PCDHGB6: variants seen among roughly 807,000 people sequenced by gnomAD.
The protein encoded by PCDHGB6 is protocadherin gamma subfamily B, 6.
PCDHGB6 carries 51 observed loss-of-function variants against 59.1 expected under a neutral mutation model. That is an observed-to-expected ratio of 0.86 (90% CI 0.69 to 1.09). The LOEUF (loss-of-function observed/expected upper bound fraction) is 1.09. PCDHGB6 is among the 50% of genes least tolerant of loss of function. PCDHGB6 has a pLI of 0.00. For synonymous variants in PCDHGB6, 466 were observed against 495.1 expected (o/e 0.94, Z 0.78); for missense variants, 1,148 against 1,205.1 (o/e 0.95, Z 0.70).
rs752402965 is a variant in PCDHGB6, at chr5:141,491,400, C to G, written c.2419-3407C>G. The G allele has an allele frequency of 2.7e-5, 44 of 1,613,990 alleles. No individual in the cohort carries two copies. The highest frequency in any genetic ancestry group is 3.5e-5 in the Non-Finnish European group (41 of 1,179,996). On this transcript the variant is annotated intron_variant, in intron 1 of 3. Coordinates refer to ENST00000520790, the MANE Select transcript of PCDHGB6 (RefSeq NM_018926.3). The surrounding 1 kb of genome is among the most constrained non-coding windows in gnomAD (Gnocchi z 6.9). ...TGTCAGCGAAGTGCCTTCAGGGAAA[C>G]GCAGACGGGGACGGGGGTGGAGGGC... is the stretch of plus-strand genomic sequence containing the variant.
At chr5:141,417,538 A>G (rs2154547037) in intron 1 of PCDHGB6, 2 of 297,748 alleles carry the variant, frequency 6.7e-6, no homozygotes, top group East Asian at 6.0e-5. Flanking sequence ...AGTTTAAAAA[A>G]AATTCCTTGA....
At position 141,419,169 on chromosome 5, in the gene PCDHGB6, C is replaced by T. The variant is rs746258255; in HGVS notation, c.2418+8549C>T. 73 of 1,613,970 alleles carry T rather than the reference C, an allele frequency of 4.5e-5. No homozygotes were observed. The highest frequency in any genetic ancestry group is 3.3e-4 in the Middle Eastern group (2 of 6,062). The stretch of plus-strand genomic sequence containing the variant: ...AAGCCTCCGTTATCCTCCAGCAAAA[C>T]CATAACCCTGCACATTACTGACGTC... On this transcript the variant is annotated intron_variant, in intron 1 of 3. Coordinates refer to ENST00000520790, the MANE Select transcript of PCDHGB6 (RefSeq NM_018926.3).
chr5:141,423,195 G>C, intron 1 of PCDHGB6: 14 of 1,613,544 alleles, frequency 8.7e-6, no homozygotes, highest in Non-Finnish European at 1.2e-5. Flanking sequence ...CCCCTCTCTC[G>C]GCCACCGTCA....
intron 1 of PCDHGB6, among the ~76,000 whole-genome samples, chr5:141,446,698 G>A (rs750413432): frequency 2.0e-5 from 3 of 152,186 alleles, no homozygotes; most frequent in Admixed American, 6.5e-5. Flanking sequence ...GGCTGGTCTC[G>A]AACTCTGATC....
At position 141,430,831 on chromosome 5, in the gene PCDHGB6, G is replaced by A; in HGVS notation, c.2418+20211G>A. ...TGGGAATCCTCCTGGGGACTCTGTGGGAGACCGGATGCACCCAGATACGCT... is the reference window on the plus strand; with the variant it reads ...TGGGAATCCTCCTGGGGACTCTGTGAGAGACCGGATGCACCCAGATACGCT... On this transcript the variant is annotated intron_variant, in intron 1 of 3. Coordinates refer to ENST00000520790, the MANE Select transcript of PCDHGB6 (RefSeq NM_018926.3). 3 of 1,555,334 alleles carry A rather than the reference G, an allele frequency of 1.9e-6. No individual in the cohort carries two copies. In the South Asian group the frequency reaches 3.8e-5, roughly 19 times the overall value.
rs895234762 is a variant in PCDHGB6 at position 141,476,911 on chromosome 5, A to G, written c.2419-17896A>G. 4 of 1,613,972 alleles carry G rather than the reference A, an allele frequency of 2.5e-6. No individual in the cohort carries two copies. The African/African-American group carries it at 4.0e-5, about 16-fold the overall frequency. On this transcript the variant is annotated intron_variant, in intron 1 of 3. Transcript: ENST00000520790. This position sits in a 1 kb window ranked among gnomAD's most constrained non-coding sequence, Gnocchi z 7.6. ...CACCCTCCGGCACGCGCGTGGTACA[A>G]GTCCTTGCAACGGATCTGGATGAAG...
chr5:141,476,357 C>T lies in PCDHGB6; in HGVS notation c.2419-18450C>T. On this transcript the variant is annotated intron_variant, in intron 1 of 3. Transcript: ENST00000520790. The surrounding 1 kb of genome is among the most constrained non-coding windows in gnomAD (Gnocchi z 7.6). ...TAGCCGAAGATTCTTTGAGGTGAAC[C>T]GGGAGACCGGAGAGATGTTTGTGAA... The T allele has an allele frequency of 6.2e-7, 1 of 1,614,052 alleles. No individual in the cohort carries two copies. The highest frequency in any genetic ancestry group is 2.2e-5 in the East Asian group (1 of 44,854).
At chr5:141,448,948 A>AAAAC (rs1237948751) in intron 1 of PCDHGB6, among the ~76,000 whole-genome samples, 2 of 152,170 alleles carry the variant, frequency 1.3e-5, no homozygotes, top group African/African-American at 2.4e-5. Flanking sequence ...GCAACTCAAA[A>AAAAC]AAACAAACAA....
chr5:141,430,994 C>T, intron 1 of PCDHGB6: 1 of 1,613,950 alleles, frequency 6.2e-7, no homozygotes, highest in East Asian at 2.2e-5. Context: ...CGCCCTGAAT[C>T]CGCGCAGCGG....
chr5:141,449,073 T>C (rs889880816), intron 1 of PCDHGB6, among the ~76,000 whole-genome samples: 1 of 152,246 alleles, frequency 6.6e-6, no homozygotes, highest in African/African-American at 2.4e-5. Flanking sequence ...TGAATAGCCC[T>C]GTACCTACAT....
intron 1 of PCDHGB6, among the ~76,000 whole-genome samples, chr5:141,469,492 T>C (rs1233507221): frequency 6.6e-6 from 1 of 152,038 alleles, no homozygotes; most frequent in Non-Finnish European, 1.5e-5. Flanking sequence ...GGAGAATCGC[T>C]TGAACCCGGG....
In PCDHGB6 at chr5:141,408,707, G is replaced by A. The variant is rs899200128; in HGVS notation, c.505G>A (p.Asp169Asn). The change falls in exon 1 of 4, where the codon GAT (aspartate) becomes AAT (asparagine). Residue 169 changes from aspartate (D) to asparagine (N), a missense_variant. Asp to Asn is a conservative substitution (Grantham distance 23, BLOSUM62 1). This residue lies in a region of PCDHGB6 where 307 missense variants were observed against 323.8 expected (regional missense o/e 0.95). Coordinates refer to ENST00000520790, the MANE Select transcript of PCDHGB6 (RefSeq NM_018926.3). ...TGATATAAACATAAACTCAATTAAAGATTATAAGATAAACTCTAATCCTTA... is the reference window on the plus strand; with the variant it reads ...TGATATAAACATAAACTCAATTAAAAATTATAAGATAAACTCTAATCCTTA... ...DPDININSIK[D>N]YKINSNPYFS... 1.9e-6 allele frequency: 3 copies of A among 1,612,764 alleles called. No homozygotes were observed. In the African/African-American group the frequency reaches 4.0e-5, roughly 22 times the overall value.
chr5:141,421,429 G>A, intron 1 of PCDHGB6: 1 of 1,614,090 alleles, frequency 6.2e-7, no homozygotes, highest in Non-Finnish European at 8.5e-7. Context: ...AGTCCGCATC[G>A]TCTCCAGAGG....
chr5:141,448,756 C>T (rs938202200), intron 1 of PCDHGB6, among the ~76,000 whole-genome samples: 1 of 151,742 alleles, frequency 6.6e-6, no homozygotes, highest in African/African-American at 2.4e-5. Context: ...CTGGCTAACA[C>T]GGTGAAACCC....
intron 1 of PCDHGB6, among the ~76,000 whole-genome samples, chr5:141,474,187 T>A (rs2099345004): frequency 6.6e-6 from 1 of 152,210 alleles, no homozygotes; most frequent in South Asian, 2.1e-4. Context: ...ACTACTTACA[T>A]TTTTAAAAGC....
chr5:141,415,465 A>G (rs751798354), intron 1 of PCDHGB6: 19 of 1,613,976 alleles, frequency 1.2e-5, no homozygotes, highest in Non-Finnish European at 1.5e-5. Context: ...GGTCTCTCTC[A>G]CCGCGGACTC....
intron 1 of PCDHGB6, chr5:141,422,585 T>C (rs1193597044): frequency 1.2e-6 from 2 of 1,613,930 alleles, no homozygotes; most frequent in African/African-American, 2.7e-5. Context: ...CCTCCCGTTT[T>C]TCCTCACTCC....
intron 1 of PCDHGB6, among the ~76,000 whole-genome samples, chr5:141,438,641 C>T (rs1285585706): frequency 0.044 from 3,509 of 79,018 alleles, 123 homozygotes; most frequent in Non-Finnish European, 0.061. Flanking sequence ...TATATACACA[C>T]ACACACACAC....
chr5:141,482,917 C>CA (rs761402624), intron 1 of PCDHGB6, among the ~76,000 whole-genome samples: 5 of 152,042 alleles, frequency 3.3e-5, no homozygotes, highest in Non-Finnish European at 7.4e-5. Context: ...ATTAAAAATA[C>CA]AAAAAATTAG....
Sources: allele counts gnomAD v4.1 joint callset (sites outside exome capture counted in the v4.1 genomes callset), GRCh38; gene constraint gnomAD v4.1.1; regional missense constraint gnomAD v4.1.1; non-coding constraint Gnocchi (gnomAD v3.1); transcripts MANE v1.5; gene names NCBI Gene and HGNC (gene_info 2026-07-23, HGNC 2026-07-21).